The following MALRD1 variants were observed in gnomAD, a reference collection of about 807,000 sequenced individuals.
MALRD1 encodes the protein MAM and LDL-receptor class A domain-containing protein 1.
Under a neutral mutation model 242.1 loss-of-function variants are expected in MALRD1, and 247 were observed. The observed-to-expected ratio is 1.02, with a 90% CI of 0.92 to 1.13. The LOEUF (loss-of-function observed/expected upper bound fraction) is 1.13. MALRD1 is among the 50% of genes most tolerant of loss of function. MALRD1 has a pLI of 0.00. For missense variants in MALRD1, 2,989 were observed against 2,533.1 expected, an observed-to-expected ratio of 1.18 and a Z score of -3.86; for synonymous variants, 995 against 866.6, an observed-to-expected ratio of 1.15 and a Z score of -2.60.
At chr10:19,123,616 C>T in intron 6 of MALRD1, 23 bp downstream of exon 6, 19 of 1,195,488 alleles carry the variant, frequency 1.6e-5, no homozygotes, top group Non-Finnish European at 2.0e-5. Context: ...TTGAGATATT[C>T]ACTTTTCTGG....
intron 13 of MALRD1, among the ~76,000 whole-genome samples, chr10:19,171,373 T>A (rs1220512486): frequency 4.0e-5 from 6 of 148,838 alleles, no homozygotes; most frequent in Admixed American, 4.0e-4. Context: ...GATTACCAAT[T>A]GATGCTGACT....
At chr10:19,725,907 G>A (rs1258725751) in intron 38 of MALRD1, among the ~76,000 whole-genome samples, 3 of 152,150 alleles carry the variant, frequency 2.0e-5, no homozygotes, top group African/African-American at 7.2e-5. Context: ...AAAGAATGCA[G>A]ATGGACCCCC....
At chr10:19,105,125 G>A (rs939839826) in intron 5 of MALRD1, among the ~76,000 whole-genome samples, 1 of 151,504 alleles carries the variant, frequency 6.6e-6, no homozygotes, top group South Asian at 2.1e-4. Flanking sequence ...CCAATCTCTC[G>A]GTAATTTCAT....
chr10:19,678,200 G>A (rs1269754900), intron 36 of MALRD1, among the ~76,000 whole-genome samples: 5 of 152,022 alleles, frequency 3.3e-5, no homozygotes, highest in Non-Finnish European at 5.9e-5. Flanking sequence ...TTCTAATTCT[G>A]TGAAGAATGT....
intron 28 of MALRD1, among the ~76,000 whole-genome samples, chr10:19,441,487 G>A (rs1255440368): frequency 2.0e-5 from 3 of 152,166 alleles, no homozygotes; most frequent in Non-Finnish European, 1.5e-5. Context: ...TAACATTTAC[G>A]TCTTTAATCC....
In MALRD1 at chr10:19,175,363, C is replaced by T. The variant is rs936571207; in HGVS notation, c.1951+35C>T. 2.6e-5 allele frequency: 32 copies of T among 1,220,786 alleles called. No homozygotes were observed. In the African/African-American group the frequency reaches 5.0e-4, roughly 19 times the overall value. 75.6% of individuals were successfully genotyped at this position (1,220,786 alleles called of 1,614,324 possible). A position where few individuals can be genotyped will look rare whatever the true frequency, so the allele number is the denominator to read the frequency against. On this transcript the variant is annotated intron_variant, in intron 14 of 39. Transcript: ENST00000454679. ...TCCTTGTCGTTGTTGCTGTTTTAAA[C>T]ATTGAATTAAGCTCTTCTCAGTATC...
chr10:19,190,556 A>G (rs958958548), intron 14 of MALRD1, among the ~76,000 whole-genome samples: 1 of 152,114 alleles, frequency 6.6e-6, no homozygotes, highest in Non-Finnish European at 1.5e-5. Context: ...TTACAAAACT[A>G]CAGTAAACAA....
At chr10:19,069,287 A>AT (rs1230821115) in intron 2 of MALRD1, among the ~76,000 whole-genome samples, 1 of 152,056 alleles carries the variant, frequency 6.6e-6, no homozygotes, top group African/African-American at 2.4e-5. Context: ...TAGATCTAAA[A>AT]TTCATATATT....
rs563765202 is a variant in MALRD1, at chr10:19,727,691, C to T, written c.6315-3015C>T. Among the ~76,000 whole-genome samples, 3 of 151,788 alleles carry T rather than the reference C, an allele frequency of 2.0e-5. No homozygotes were observed. The South Asian group carries it at 6.2e-4, about 32-fold the overall frequency. On this transcript the variant is annotated intron_variant, in intron 38 of 39. Transcript: ENST00000454679. ...TTAGAACCTCAATTCTTACAACTCA[C>T]TTATTCATTGGGGGAAAAAAAATCA...
chr10:19,478,256 A>G (rs1218960138), intron 29 of MALRD1, among the ~76,000 whole-genome samples: 8 of 152,224 alleles, frequency 5.3e-5, no homozygotes, highest in African/African-American at 1.2e-4. Context: ...TATCTGAACA[A>G]AGGAAATAAT....
chr10:19,316,994 G>C (rs1276309927), intron 21 of MALRD1, among the ~76,000 whole-genome samples: 1 of 151,292 alleles, frequency 6.6e-6, no homozygotes, highest in Admixed American at 6.7e-5. Flanking sequence ...TGTTACGCAT[G>C]CATGCCTGTA....
At chr10:19,548,054 G>A (rs1350236236) in intron 32 of MALRD1, among the ~76,000 whole-genome samples, 1 of 135,088 alleles carries the variant, frequency 7.4e-6, no homozygotes, top group East Asian at 2.2e-4. Context: ...GGGCTGGAGT[G>A]CAATGGCACA....
At chr10:19,499,932 G>A (rs1471195735) in intron 31 of MALRD1, among the ~76,000 whole-genome samples, 3 of 152,122 alleles carry the variant, frequency 2.0e-5, no homozygotes, top group Non-Finnish European at 4.4e-5. Context: ...TGCGTATGTC[G>A]AACCAACCTT....
At chr10:19,149,062 ATCTG>A (rs903320924) in intron 11 of MALRD1, among the ~76,000 whole-genome samples, 64 of 143,478 alleles carry the variant, frequency 4.5e-4, no homozygotes, top group African/African-American at 1.3e-3. Flanking sequence ...CAGCTTTTAA[ATCTG>A]TCTATCTGTC....
At chr10:19,597,544 A>G (rs980135089) in intron 34 of MALRD1, among the ~76,000 whole-genome samples, 12 of 152,192 alleles carry the variant, frequency 7.9e-5, no homozygotes, top group African/African-American at 2.7e-4. Flanking sequence ...GGGCTTTCCT[A>G]TTGGTTTAGA....
intron 22 of MALRD1, among the ~76,000 whole-genome samples, chr10:19,324,554 C>T (rs113241636): frequency 2.7e-5 from 4 of 150,808 alleles, no homozygotes; most frequent in East Asian, 1.9e-4. Flanking sequence ...AAATGTTTCA[C>T]GAACAGCACA....
At chr10:19,492,368 G>C (rs1033247941) in intron 30 of MALRD1, among the ~76,000 whole-genome samples, 3 of 152,072 alleles carry the variant, frequency 2.0e-5, no homozygotes, top group Admixed American at 1.3e-4. Flanking sequence ...GAAGTTAGTG[G>C]TCTAGGCCAC....
rs555657136 is a variant in MALRD1 at position 19,052,516 on chromosome 10, A to C, written c.199+3379A>C. Among the ~76,000 whole-genome samples, 109 of 152,280 alleles carry C rather than the reference A, an allele frequency of 7.2e-4. No homozygotes were observed. The South Asian group carries it at 0.018, about 25-fold the overall frequency. ...GCACATCTAACTCAACTGTGAAAAG[A>C]CACATCACACAATCACCTTGCTGCT... On this transcript the variant is annotated intron_variant, in intron 1 of 39. Transcript: ENST00000454679.
At position 19,327,630 on chromosome 10, in the gene MALRD1, G is replaced by C. The variant is rs1843192411; in HGVS notation, c.3644G>C (p.Trp1215Ser). The C allele has an allele frequency of 6.5e-7, 1 of 1,549,744 alleles. No homozygotes were observed. Among genetic ancestry groups the C allele is most frequent in the Admixed American group, 2.0e-5 (1 of 50,940 alleles). ...CAAACTGGACAGCAAGGTGCACAGTGGAAGAGAGCAGAAGTGTTTTTAGGC... is the reference window on the plus strand; with the variant it reads ...CAAACTGGACAGCAAGGTGCACAGTCGAAGAGAGCAGAAGTGTTTTTAGGC... ...WAQTGQQGAQWKRAEVFLGIR... is the reference protein window; with the variant it reads ...WAQTGQQGAQSKRAEVFLGIR... The change falls in exon 23 of 40, where the codon TGG becomes TCG. Residue 1215 changes from tryptophan (W) to serine (S), a missense_variant. By Grantham distance (177) the Trp-to-Ser change is radical. Transcript: ENST00000454679.
Sources: gnomAD v4.1 joint callset for allele counts (sites outside exome capture counted in the v4.1 genomes callset) on GRCh38, gnomAD v4.1.1 for gene constraint, MANE v1.5 for transcripts, NCBI Gene and HGNC (gene_info 2026-07-23, HGNC 2026-07-21) for gene names.